The following STARD9 variants were observed in gnomAD, a reference collection of about 807,000 sequenced individuals.
STARD9 encodes the protein StAR related lipid transfer domain containing 9, also known as stAR-related lipid transfer protein 9.
In STARD9, 346 loss-of-function variants were observed where a neutral mutation model predicts 399.8. The ratio of observed to expected loss-of-function variants is 0.87; its 90% CI spans 0.79 to 0.95. The LOEUF is 0.95. Ranked by LOEUF, STARD9 falls within the 40% of genes least tolerant of loss-of-function variation. The probability of loss-of-function intolerance (pLI) is 0.00; values close to 1 mark genes in which losing one functional copy is unlikely to be tolerated. For missense variants in STARD9, 5,832 were observed against 5,667.5 expected (o/e 1.03, Z -0.93); for synonymous variants, 2,203 against 2,143.5 (o/e 1.03, Z -0.77).
chr15:42,586,689 G>T (rs1193988608), intron 3 of STARD9, among the ~76,000 whole-genome samples: 1 of 152,136 alleles, frequency 6.6e-6, no homozygotes, highest in Non-Finnish European at 1.5e-5. Context: ...ACATATGAAA[G>T]AAAAGACTAT....
In STARD9 at chr15:42,674,953, G is replaced by A. The variant is rs1341485309; in HGVS notation, c.1676G>A (p.Arg559His). 10 of 1,534,238 alleles carry A rather than the reference G, an allele frequency of 6.5e-6. No individual in the cohort carries two copies. The highest frequency in any genetic ancestry group is 2.4e-5 in the South Asian group (2 of 83,396). ...VNGREVTASC[R>H]LTQGAVITLG... ...GGCCGGGAGGTCACTGCCTCCTGCC[G>A]TCTGACTCAAGGTAGGACTGTCTGT... is the stretch of plus-strand genomic sequence containing the variant. Residue 559 changes from arginine to histidine, a missense_variant, in exon 18 of 33, where the codon CGT becomes CAT. Around this residue, in one of 2 missense-constraint regions of STARD9, gnomAD observed 5,828 missense variants for 5,651.1 expected, o/e 1.03. Coordinates refer to ENST00000290607, the MANE Select transcript of STARD9 (RefSeq NM_020759.3).
In STARD9 at chr15:42,718,814, A is replaced by G; in HGVS notation, c.13905A>G (p.Arg4635=). The G allele has an allele frequency of 6.5e-7, 1 of 1,537,230 alleles. No homozygotes were observed. Among genetic ancestry groups the G allele is most frequent in the Non-Finnish European group, 8.7e-7 (1 of 1,146,862 alleles). ...VYDTSMPRPS[R]KMVRGEILPS... is the part of the protein sequence containing the mutation. The stretch of plus-strand genomic sequence containing the variant: ...ATACATCCATGCCAAGACCCAGCAG[A>G]AAAATGGTTCGCGGGGAGATCCTGC... The change falls in exon 32 of 33, where the codon AGA becomes AGG. Residue 4635 remains arginine (R), a synonymous_variant. Transcript: ENST00000290607.
intron 9 of STARD9, among the ~76,000 whole-genome samples, chr15:42,657,228 T>TGA (rs1487488777): frequency 2.0e-5 from 3 of 151,696 alleles, no homozygotes; most frequent in Non-Finnish European, 1.5e-5. Context: ...GGCATGGTGG[T>TGA]GAGCGCTTGT....
Position 42,638,035 on chromosome 15 carries a change from G to T in STARD9, c.394G>T (p.Val132Phe), listed in dbSNP as rs768951035. 1.3e-6 allele frequency: 2 copies of T among 1,537,318 alleles called. No homozygotes were observed. The highest frequency in any genetic ancestry group is 1.7e-6 in the Non-Finnish European group (2 of 1,146,912). ...CCTCTGGTTTGTGCAGGGTCTCTTC[G>T]TCAGGGAGAAAGACTGTGCCTCACT... ...LTPRICEGLFVREKDCASLPS... is the reference protein window; with the variant it reads ...LTPRICEGLFFREKDCASLPS... Residue 132 changes from valine (V) to phenylalanine (F), a missense_variant, in exon 6 of 33, where the codon GTC (valine) becomes TTC (phenylalanine). Physicochemically the swap from Val to Phe is conservative, Grantham distance 50. Coordinates refer to ENST00000290607, the MANE Select transcript of STARD9 (RefSeq NM_020759.3).
intron 28 of STARD9, 114 bp from the exon 29 acceptor site, chr15:42,717,617 C>T (rs2061374005): frequency 1.1e-6 from 1 of 915,280 alleles, no homozygotes; most frequent in Non-Finnish European, 1.7e-6. Flanking sequence ...AGAGCTAGAC[C>T]CTGTCTCAAA....
chr15:42,665,237 G>A lies in STARD9; in HGVS notation c.1177-16G>A. 6.5e-7 allele frequency: 1 copy of A among 1,533,238 alleles called. No homozygotes were observed. The allele number at this position is 1,533,238 out of a possible 1,614,324, so 95.0% of individuals were successfully genotyped here. On this transcript the variant is annotated splice_polypyrimidine_tract_variant and intron_variant, in intron 13 of 32. Transcript: ENST00000290607. ...CTTGATAACAATCAGTGGTGATGGA[G>A]TTCTCTGTGTTTCAGGATGCAAACT...
intron 3 of STARD9, among the ~76,000 whole-genome samples, chr15:42,599,789 A>G (rs1365012137): frequency 2.0e-5 from 3 of 152,236 alleles, no homozygotes; most frequent in Non-Finnish European, 2.9e-5. Context: ...TAGTGCTGCG[A>G]GGAATACAGA....
chr15:42,697,614 C>T (rs1397334886), intron 26 of STARD9, among the ~76,000 whole-genome samples: 1 of 152,126 alleles, frequency 6.6e-6, no homozygotes, highest in African/African-American at 2.4e-5. Context: ...GAAAATTCTA[C>T]ACCTGACCTC....
rs776473630 is a variant in STARD9, at chr15:42,686,604, A to C, written c.5026A>C (p.Arg1676=). 2.0e-6 allele frequency: 3 copies of C among 1,537,372 alleles called. No individual in the cohort carries two copies. Among genetic ancestry groups the C allele is most frequent in the Non-Finnish European group, 2.6e-6 (3 of 1,146,972 alleles). ...TTGGTCCCAAGGCTGGGCTCCTCTC[A>C]GGAAAAATAGTGCAGTCCAGCCAGG... ...DHWSQGWAPL[R]KNSAVQPGQL... The change falls in exon 23 of 33, where the codon AGG becomes CGG. Residue 1676 remains arginine (R), a synonymous_variant. Coordinates refer to ENST00000290607, the MANE Select transcript of STARD9 (RefSeq NM_020759.3).
In STARD9 at chr15:42,638,075, G is replaced by C; in HGVS notation, c.434G>C (p.Arg145Thr). 1 of 1,537,080 alleles carries C rather than the reference G, an allele frequency of 6.5e-7. No individual in the cohort carries two copies. The highest frequency in any genetic ancestry group is 1.2e-5 in the South Asian group (1 of 84,044). Residue 145 changes from arginine (R) to threonine (T), a missense_variant, in exon 6 of 33, where the codon AGG (arginine) becomes ACG (threonine). Around this residue, in one of 2 missense-constraint regions of STARD9, gnomAD observed 5,828 missense variants for 5,651.1 expected, o/e 1.03. Coordinates refer to ENST00000290607, the MANE Select transcript of STARD9 (RefSeq NM_020759.3). The stretch of plus-strand genomic sequence containing the variant: ...TGTGCCTCACTGCCTTCCTCCTGTA[G>C]GATAAAAGTAAGGTAAGAACCTCCC... ...KDCASLPSSCRIKVSFLEIYN... is the reference protein window; with the variant it reads ...KDCASLPSSCTIKVSFLEIYN...
chr15:42,688,297 T>G lies in STARD9; in HGVS notation c.6719T>G (p.Leu2240Ter), dbSNP rs1341758667. The change falls in exon 23 of 33, where the codon TTA becomes TGA. Residue 2240 changes from leucine to a stop codon, truncating the protein, a stop_gained. Coordinates refer to ENST00000290607, the MANE Select transcript of STARD9 (RefSeq NM_020759.3). LOFTEE classifies it high-confidence loss of function. ...AGTCTCAAAGGGCAGCCTTGGGGCT[T>G]AGGAAGTCTTGAGGAATTGGAGACT... Reference protein sequence around the residue: ...SASLKGQPWGLGSLEELETVK... With the variant: ...SASLKGQPWG 5 of 1,537,370 alleles carry G rather than the reference T, an allele frequency of 3.3e-6. No individual in the cohort carries two copies. The African/African-American group carries it at 6.8e-5, about 21-fold the overall frequency.
intron 26 of STARD9, among the ~76,000 whole-genome samples, chr15:42,713,960 C>T (rs560653349): frequency 6.6e-6 from 1 of 151,912 alleles, no homozygotes; most frequent in Admixed American, 6.6e-5. Flanking sequence ...GGTATTAATT[C>T]CTTAAACGTT....
In STARD9 at chr15:42,588,790, T is replaced by TG. The variant is rs1566854583; in HGVS notation, c.234+3153_234+3154insG. On this transcript the variant is annotated intron_variant, in intron 3 of 32. Transcript: ENST00000290607. ...CTCTTCACAGCGTTTTTTTTTTTTTTTTTTTTTTTTTTTTTTTTTTTTTTT... is the reference window on the plus strand; with the variant it reads ...CTCTTCACAGCGTTTTTTTTTTTTTTGTTTTTTTTTTTTTTTTTTTTTTTTT... 2.5e-3 allele frequency among the ~76,000 whole-genome samples: 55 copies of TG among 21,836 alleles called. No individual in the cohort carries two copies. The South Asian group carries it at 0.05, about 20-fold the overall frequency. The allele number at this position is 21,836 out of a possible 152,430, so 14.3% of individuals were successfully genotyped here. A position where few individuals can be genotyped will look rare whatever the true frequency, so the allele number is the denominator to read the frequency against.
At chr15:42,637,079 T>TAAAA (rs5812228) in intron 4 of STARD9, among the ~76,000 whole-genome samples, 1 of 144,292 alleles carries the variant, frequency 6.9e-6, no homozygotes, top group Non-Finnish European at 1.5e-5. Context: ...AAATAATAAT[T>TAAAA]AAAAAAAAAA....
chr15:42,633,141 C>T (rs1445131694), intron 3 of STARD9, among the ~76,000 whole-genome samples: 1 of 147,896 alleles, frequency 6.8e-6, no homozygotes, highest in Non-Finnish European at 1.5e-5. Flanking sequence ...GACCCTGTCT[C>T]AATTAAAAAA....
chr15:42,626,378 TTCC>T (rs1284505440), intron 3 of STARD9, among the ~76,000 whole-genome samples: 1 of 140,610 alleles, frequency 7.1e-6, no homozygotes, highest in African/African-American at 2.7e-5. Context: ...CTTCCTCCTC[TTCC>T]TCCTCTTCCT....
chr15:42,603,614 A>G (rs1017537108), intron 3 of STARD9, among the ~76,000 whole-genome samples: 1 of 152,180 alleles, frequency 6.6e-6, no homozygotes, highest in Non-Finnish European at 1.5e-5. Context: ...TACTCAAATC[A>G]GTCTCCCCAA....
chr15:42,661,985 G>T (rs192615557), intron 10 of STARD9, among the ~76,000 whole-genome samples: 15 of 152,014 alleles, frequency 9.9e-5, no homozygotes, highest in South Asian at 2.1e-4. Context: ...TTTTTATGCA[G>T]TTCTTTACTT....
At position 42,693,657 on chromosome 15, in the gene STARD9, C is replaced by G; in HGVS notation, c.12079C>G (p.Leu4027Val). 1 of 1,537,262 alleles carries G rather than the reference C, an allele frequency of 6.5e-7. No individual in the cohort carries two copies. The highest frequency in any genetic ancestry group is 8.7e-7 in the Non-Finnish European group (1 of 1,146,916). Residue 4027 changes from leucine to valine, a missense_variant, in exon 23 of 33, where the codon CTG becomes GTG. Leu to Val is a conservative substitution (Grantham distance 32, BLOSUM62 1). Around this residue, in one of 2 missense-constraint regions of STARD9, gnomAD observed 5,828 missense variants for 5,651.1 expected, o/e 1.03. Coordinates refer to ENST00000290607, the MANE Select transcript of STARD9 (RefSeq NM_020759.3). The part of the protein sequence containing the change: ...PPPLRHRSQR[L>V]GNSFVPEKVA... ...ACCACTGAGGCACAGGAGCCAAAGG[C>G]TGGGCAACAGCTTTGTGCCTGAGAA...
Sources: allele counts gnomAD v4.1 joint callset (sites outside exome capture counted in the v4.1 genomes callset), GRCh38; gene constraint gnomAD v4.1.1; regional missense constraint gnomAD v4.1.1; transcripts MANE v1.5; gene names NCBI Gene and HGNC (gene_info 2026-07-23, HGNC 2026-07-21).